The following PHF21B variants were observed in gnomAD, a reference collection of about 807,000 sequenced individuals.
PHF21B encodes the protein PHD finger protein 4.
In PHF21B, 22 loss-of-function variants were observed where a neutral mutation model predicts 62.2. The observed-to-expected ratio is 0.35, with a 90% CI of 0.25 to 0.51. The LOEUF is 0.51. PHF21B is among the 20% of genes least tolerant of loss of function. The pLI is 0.97. For synonymous variants in PHF21B, 341 were observed against 314.7 expected (o/e 1.08, Z -0.88); for missense variants, 701 against 707.9 (o/e 0.99, Z 0.11).
intron 5 of PHF21B, among the ~76,000 whole-genome samples, chr22:44,899,666 C>T (rs1938849090): frequency 6.6e-6 from 1 of 151,888 alleles, no homozygotes; most frequent in African/African-American, 2.4e-5. Context: ...CCTTCCTTCT[C>T]CTCTTCTTCT....
At chr22:44,905,637 T>C (rs756578340) in intron 5 of PHF21B, among the ~76,000 whole-genome samples, 6 of 152,144 alleles carry the variant, frequency 3.9e-5, no homozygotes, top group Non-Finnish European at 7.3e-5. Context: ...TTTTTGTTTT[T>C]TGTTTTTTTG....
At chr22:44,969,284 G>A (rs1451908357) in intron 2 of PHF21B, 1 of 152,256 alleles carries the variant, frequency 6.6e-6, no homozygotes, top group South Asian at 2.1e-4. Flanking sequence ...CCACCCTCAA[G>A]CTCTTAGACT....
intron 6 of PHF21B, among the ~76,000 whole-genome samples, chr22:44,895,737 T>C (rs988826450): frequency 2.6e-5 from 4 of 152,216 alleles, no homozygotes; most frequent in Admixed American, 1.3e-4. Context: ...ACAGTGGGTA[T>C]TGTGCATAGT....
chr22:44,942,148 A>G (rs1048463468), intron 2 of PHF21B, among the ~76,000 whole-genome samples: 3 of 152,134 alleles, frequency 2.0e-5, no homozygotes, highest in African/African-American at 7.2e-5. Flanking sequence ...CAGCACCACC[A>G]AAGGGTCCGC....
chr22:44,991,107 A>G (rs976269419), intron 2 of PHF21B, among the ~76,000 whole-genome samples: 1 of 152,220 alleles, frequency 6.6e-6, no homozygotes, highest in Non-Finnish European at 1.5e-5. Flanking sequence ...GTCCAGAGAA[A>G]TGCAACCTGG....
intron 2 of PHF21B, among the ~76,000 whole-genome samples, chr22:44,947,597 A>G (rs925288906): frequency 6.6e-6 from 1 of 152,176 alleles, no homozygotes; most frequent in African/African-American, 2.4e-5. Flanking sequence ...CAGCACAGGC[A>G]CCAAATTCTG....
chr22:44,941,115 A>C (rs1026590258), intron 2 of PHF21B, among the ~76,000 whole-genome samples: 1 of 152,184 alleles, frequency 6.6e-6, no homozygotes, highest in Non-Finnish European at 1.5e-5. Context: ...GCGCGTGCTC[A>C]CAATGACCAT....
chr22:44,966,946 C>T (rs1480945546), intron 2 of PHF21B: 2 of 152,218 alleles, frequency 1.3e-5, no homozygotes, highest in African/African-American at 4.8e-5. Context: ...TTGCAATCTC[C>T]CCCAGAGCCC....
At chr22:45,008,464 C>G in intron 2 of PHF21B, 81 bp downstream of exon 2, 2 of 1,355,268 alleles carry the variant, frequency 1.5e-6, no homozygotes, top group Non-Finnish European at 2.0e-6. Flanking sequence ...GTCGCCCAGG[C>G]TGGCACTTTT....
intron 4 of PHF21B, among the ~76,000 whole-genome samples, chr22:44,915,318 G>A (rs2071413291): frequency 6.6e-6 from 1 of 152,204 alleles, no homozygotes; most frequent in Non-Finnish European, 1.5e-5. Flanking sequence ...CAGTAACCAA[G>A]GGAATTCAAC....
At chr22:44,980,465 T>C (rs1466240486) in intron 2 of PHF21B, among the ~76,000 whole-genome samples, 2 of 152,268 alleles carry the variant, frequency 1.3e-5, no homozygotes, top group East Asian at 3.9e-4. Flanking sequence ...CTGCAGACCT[T>C]GGAGGCCCAG....
intron 2 of PHF21B, among the ~76,000 whole-genome samples, chr22:44,985,771 T>C (rs1031777545): frequency 6.6e-6 from 1 of 152,168 alleles, no homozygotes; most frequent in Admixed American, 6.5e-5. Flanking sequence ...ACAGCTGCCA[T>C]GACCACCACT....
At chr22:44,960,324 T>C (rs922483535) in intron 2 of PHF21B, among the ~76,000 whole-genome samples, 1 of 152,116 alleles carries the variant, frequency 6.6e-6, no homozygotes, top group Non-Finnish European at 1.5e-5. Flanking sequence ...AATTATCTCT[T>C]TTTTCCTTCA....
chr22:44,928,686 A>C (rs1311744021), intron 2 of PHF21B, among the ~76,000 whole-genome samples: 1 of 152,230 alleles, frequency 6.6e-6, no homozygotes, highest in Non-Finnish European at 1.5e-5. Flanking sequence ...CTGGGATTAG[A>C]GGCATGAGCC....
At chr22:44,904,264 T>G (rs2071210817) in intron 5 of PHF21B, among the ~76,000 whole-genome samples, 1 of 152,078 alleles carries the variant, frequency 6.6e-6, no homozygotes, top group African/African-American at 2.4e-5. Context: ...ATTTTCCTTT[T>G]ATCTGCTTTG....
At chr22:44,919,374 T>G (rs7284925) in intron 3 of PHF21B, among the ~76,000 whole-genome samples, 15,237 of 152,302 alleles carry the variant, frequency 0.1, 1,605 homozygotes, top group African/African-American at 0.27. Flanking sequence ...TTTGCCATTT[T>G]TTTCCCTTTA....
At chr22:44,910,507 G>C (rs536867225) in intron 5 of PHF21B, among the ~76,000 whole-genome samples, 1 of 152,254 alleles carries the variant, frequency 6.6e-6, no homozygotes, top group South Asian at 2.1e-4. Context: ...TTGAATCATG[G>C]GGCGGGTCTT....
At chr22:44,894,602 AG>A (rs1251120329) in intron 6 of PHF21B, among the ~76,000 whole-genome samples, 1 of 152,172 alleles carries the variant, frequency 6.6e-6, no homozygotes, top group African/African-American at 2.4e-5. Flanking sequence ...GAGCTCACAG[AG>A]GTTCTTACAA....
intron 2 of PHF21B, among the ~76,000 whole-genome samples, chr22:44,933,025 G>A (rs1020523998): frequency 1.3e-5 from 2 of 152,234 alleles, no homozygotes; most frequent in Non-Finnish European, 2.9e-5. Flanking sequence ...TCGCCAAGGA[G>A]AGCAGGTCCT....
Sources: gnomAD v4.1 joint callset for allele counts (sites outside exome capture counted in the v4.1 genomes callset) on GRCh38, gnomAD v4.1.1 for gene constraint, MANE v1.5 for transcripts, NCBI Gene and HGNC (gene_info 2026-07-23, HGNC 2026-07-21) for gene names.